Variants in DLG2 observed in about 807,000 individuals in gnomAD.
The protein encoded by DLG2 is discs large MAGUK scaffold protein 2.
Under a neutral mutation model 132.5 loss-of-function variants are expected in DLG2, and 45 were observed. That is an observed-to-expected ratio of 0.34 (90% CI 0.27 to 0.44). The LOEUF (loss-of-function observed/expected upper bound fraction) is 0.44, where lower values mean the gene tolerates loss of function less well. Among genes scored for constraint, DLG2 ranks in the 20% least tolerant of loss-of-function variants. The pLI, the probability that DLG2 is intolerant of heterozygous loss-of-function variation, is 1.00. For synonymous variants in DLG2, 424 were observed against 419.6 expected, an observed-to-expected ratio of 1.01 and a Z score of -0.13; for missense variants, 1,045 against 1,196.9, an observed-to-expected ratio of 0.87 and a Z score of 1.87.
intron 6 of DLG2, among the ~76,000 whole-genome samples, chr11:84,767,350 GAAAC>G (rs1467148280): frequency 1.3e-5 from 2 of 152,062 alleles, no homozygotes; most frequent in Non-Finnish European, 1.5e-5. Context: ...GACAGACGCA[GAAAC>G]AAACAGTTAT....
chr11:84,452,767 T>C (rs1376342095), intron 7 of DLG2, among the ~76,000 whole-genome samples: 3 of 151,472 alleles, frequency 2.0e-5, no homozygotes, highest in African/African-American at 7.3e-5. Context: ...ACATAAGAAG[T>C]TAGGTTCTGA....
chr11:84,213,935 A>G (rs893870650), intron 8 of DLG2, among the ~76,000 whole-genome samples: 1 of 150,764 alleles, frequency 6.6e-6, no homozygotes, highest in Non-Finnish European at 1.5e-5. Context: ...TGAATGGAGG[A>G]CTCTACCAAG....
intron 7 of DLG2, among the ~76,000 whole-genome samples, chr11:84,302,802 G>A (rs767866006): frequency 2.0e-5 from 3 of 151,876 alleles, no homozygotes; most frequent in Non-Finnish European, 2.9e-5. Flanking sequence ...AAAATAAAAC[G>A]TGGGCCAGGC....
chr11:83,876,597 T>C (rs930196198), intron 15 of DLG2, among the ~76,000 whole-genome samples: 1 of 152,140 alleles, frequency 6.6e-6, no homozygotes, highest in Middle Eastern at 3.2e-3. Flanking sequence ...GTAGTTCTTA[T>C]AGGAGTCCTC....
At chr11:84,085,889 G>A (rs1000910199) in intron 10 of DLG2, among the ~76,000 whole-genome samples, 1 of 152,110 alleles carries the variant, frequency 6.6e-6, no homozygotes, top group East Asian at 1.9e-4. Context: ...TGGAAAATTG[G>A]ACCTTATAAA....
chr11:84,025,962 CA>C (rs1239759411), intron 11 of DLG2, among the ~76,000 whole-genome samples: 1 of 151,908 alleles, frequency 6.6e-6, no homozygotes, highest in Non-Finnish European at 1.5e-5. Context: ...CAAAATAAAA[CA>C]AAGTAGTTAA....
At chr11:84,377,881 A>G (rs544981960) in intron 7 of DLG2, among the ~76,000 whole-genome samples, 21 of 152,334 alleles carry the variant, frequency 1.4e-4, no homozygotes, top group Admixed American at 5.9e-4. Flanking sequence ...GACATCTGCC[A>G]TTCACAATCA....
At chr11:83,679,173 AC>A (rs2078294713) in intron 18 of DLG2, among the ~76,000 whole-genome samples, 1 of 152,210 alleles carries the variant, frequency 6.6e-6, no homozygotes, top group East Asian at 1.9e-4. Flanking sequence ...GTATATTTAA[AC>A]AAAATTTTCT....
At chr11:84,119,468 A>G (rs1447514335) in intron 9 of DLG2, among the ~76,000 whole-genome samples, 1 of 151,282 alleles carries the variant, frequency 6.6e-6, no homozygotes, top group African/African-American at 2.4e-5. Context: ...ATAAATATAT[A>G]TCATATATTC....
intron 11 of DLG2, among the ~76,000 whole-genome samples, chr11:84,053,066 T>A (rs1039734828): frequency 6.6e-6 from 1 of 152,032 alleles, no homozygotes; most frequent in African/African-American, 2.4e-5. Context: ...ATATACACCA[T>A]GGAATACTAT....
chr11:83,957,074 A>C (rs2154152557), intron 14 of DLG2, among the ~76,000 whole-genome samples: 1 of 152,326 alleles, frequency 6.6e-6, no homozygotes, highest in South Asian at 2.1e-4. Flanking sequence ...AATATTCTGC[A>C]AGCTTTTGTG....
At chr11:85,027,721 T>C (rs1184225170) in intron 6 of DLG2, among the ~76,000 whole-genome samples, 1 of 152,328 alleles carries the variant, frequency 6.6e-6, no homozygotes, top group Non-Finnish European at 1.5e-5. Context: ...GCTTCAGCTA[T>C]AGGCACCTGC....
intron 9 of DLG2, among the ~76,000 whole-genome samples, chr11:84,116,773 A>C (rs1416756722): frequency 6.6e-6 from 1 of 152,230 alleles, no homozygotes; most frequent in East Asian, 1.9e-4. Context: ...CAGGATATAT[A>C]AACATAAAAT....
intron 17 of DLG2, among the ~76,000 whole-genome samples, chr11:83,801,078 G>A (rs569012102): frequency 2.1e-4 from 32 of 152,158 alleles, no homozygotes; most frequent in African/African-American, 7.5e-4. Flanking sequence ...CTCATTTTCA[G>A]CAAACAGTAC....
chr11:85,445,240 A>G (rs1360164497), intron 3 of DLG2, among the ~76,000 whole-genome samples: 1 of 152,160 alleles, frequency 6.6e-6, no homozygotes, highest in Non-Finnish European at 1.5e-5. Context: ...GATGGTGGGG[A>G]GAAACAATTA....
chr11:84,203,736 T>C (rs1026488172), intron 8 of DLG2, among the ~76,000 whole-genome samples: 9 of 151,818 alleles, frequency 5.9e-5, no homozygotes, highest in African/African-American at 2.2e-4. Context: ...TGAGAACACA[T>C]GAACACATGG....
intron 3 of DLG2, among the ~76,000 whole-genome samples, chr11:85,356,489 A>G (rs936488473): frequency 6.6e-6 from 1 of 152,192 alleles, no homozygotes; most frequent in African/African-American, 2.4e-5. Context: ...TATGAGACAG[A>G]GATCCAATTT....
chr11:84,690,365 AC>A (rs2057886082), intron 6 of DLG2, among the ~76,000 whole-genome samples: 1 of 151,910 alleles, frequency 6.6e-6, no homozygotes, highest in South Asian at 2.1e-4. Context: ...TACAATGTAT[AC>A]GTAGATCAAA....
At chr11:83,882,657 A>G (rs2066609658) in intron 15 of DLG2, among the ~76,000 whole-genome samples, 1 of 152,228 alleles carries the variant, frequency 6.6e-6, no homozygotes, top group Admixed American at 6.5e-5. Context: ...ATACAATCAT[A>G]TTTTTAAAAC....
Sources: allele counts gnomAD v4.1 joint callset (sites outside exome capture counted in the v4.1 genomes callset), GRCh38; gene constraint gnomAD v4.1.1; transcripts MANE v1.5; gene names NCBI Gene and HGNC (gene_info 2026-07-23, HGNC 2026-07-21).